Variants in DAB1 observed in about 807,000 individuals in gnomAD.
DAB1 encodes DAB adaptor protein 1, also known as disabled homolog 1.
A neutral mutation model predicts 64.6 loss-of-function variants in DAB1; 15 were observed. That is an observed-to-expected ratio of 0.23 (90% confidence interval 0.16 to 0.36). The LOEUF (loss-of-function observed/expected upper bound fraction) is 0.36, where lower values mean the gene tolerates loss of function less well. DAB1 is among the 10% of genes least tolerant of loss of function. The pLI, the probability that DAB1 is intolerant of heterozygous loss-of-function variation, is 1.00. For missense variants in DAB1, 596 were observed against 706.7 expected, an observed-to-expected ratio of 0.84 and a Z score of 1.78; for synonymous variants, 235 against 251.9, an observed-to-expected ratio of 0.93 and a Z score of 0.64.
chr1:58,106,805 C>T (rs985533439), intron 5 of DAB1, among the ~76,000 whole-genome samples: 2 of 151,772 alleles, frequency 1.3e-5, no homozygotes, highest in African/African-American at 4.8e-5. Context: ...TGTTTAGGGC[C>T]CAGCTGAAAT....
chr1:57,712,379 G>A (rs1418293995), intron 6 of DAB1, among the ~76,000 whole-genome samples: 2 of 152,276 alleles, frequency 1.3e-5, no homozygotes, highest in South Asian at 2.1e-4. Flanking sequence ...TAGAGATATA[G>A]AATAATATCT....
At chr1:57,509,903 C>T (rs1392940582) in intron 7 of DAB1, among the ~76,000 whole-genome samples, 1 of 152,308 alleles carries the variant, frequency 6.6e-6, no homozygotes, top group African/African-American at 2.4e-5. Context: ...TTAACTCCAC[C>T]TATGCTCCAC....
At chr1:58,155,026 T>C (rs1570425195) in intron 4 of DAB1, among the ~76,000 whole-genome samples, 1 of 152,084 alleles carries the variant, frequency 6.6e-6, no homozygotes, top group African/African-American at 2.4e-5. Flanking sequence ...GGTGTTAAAA[T>C]CAGATCTCCA....
At chr1:57,463,760 CTCAT>C (rs145640736) in intron 7 of DAB1, among the ~76,000 whole-genome samples, 2,194 of 152,234 alleles carry the variant, frequency 0.014, 21 homozygotes, top group Non-Finnish European at 0.021. Flanking sequence ...TGCTCTTCTG[CTCAT>C]TCATTCATTC....
At chr1:57,630,621 T>A (rs1216644995) in intron 7 of DAB1, among the ~76,000 whole-genome samples, 12 of 152,168 alleles carry the variant, frequency 7.9e-5, no homozygotes. Flanking sequence ...CCCAAGCTAA[T>A]TACTTCACTT....
chr1:58,490,444 A>T (rs1332562588), intron 3 of DAB1, among the ~76,000 whole-genome samples: 1 of 152,234 alleles, frequency 6.6e-6, no homozygotes, highest in African/African-American at 2.4e-5. Context: ...GGACTATGTG[A>T]AAAGACCAAA....
intron 1 of DAB1, among the ~76,000 whole-genome samples, chr1:57,381,425 T>C (rs1570412073): frequency 2.6e-5 from 4 of 152,200 alleles, no homozygotes; most frequent in East Asian, 1.9e-4. Flanking sequence ...TATTTTTATA[T>C]AGAAGATGTT....
At chr1:57,849,865 T>C (rs567491023) in intron 1 of DAB1, among the ~76,000 whole-genome samples, 7 of 152,312 alleles carry the variant, frequency 4.6e-5, no homozygotes, top group African/African-American at 1.7e-4. Flanking sequence ...AAAAATAAAA[T>C]GGGAAGCATA....
chr1:57,319,671 GA>G (rs1303967176), intron 1 of DAB1, among the ~76,000 whole-genome samples: 10 of 151,982 alleles, frequency 6.6e-5, no homozygotes, highest in Non-Finnish European at 1.5e-4. Flanking sequence ...CAGAGATTTT[GA>G]AAAAGCCAGA....
chr1:57,549,110 A>G lies in DAB1; in HGVS notation n.625+100482T>C, dbSNP rs573083716. On this transcript the variant is annotated intron_variant and non_coding_transcript_variant, in intron 7 of 20. Transcript: ENST00000485760. Reference sequence around the variant, plus strand: ...ACTGGATCTACGCAATGTAGGTTAAAAGTCTCAATTTTGTGGATATTGTAG... The same window carrying G: ...ACTGGATCTACGCAATGTAGGTTAAGAGTCTCAATTTTGTGGATATTGTAG... Among the ~76,000 whole-genome samples, 124 of 152,248 alleles carry G rather than the reference A, an allele frequency of 8.1e-4. 1 individual carries two copies. The highest frequency in any genetic ancestry group is 1.9e-3 in the South Asian group (9 of 4,826).
chr1:57,919,247 A>G (rs1166324004), intron 5 of DAB1, among the ~76,000 whole-genome samples: 1 of 152,208 alleles, frequency 6.6e-6, no homozygotes, highest in Non-Finnish European at 1.5e-5. Context: ...TAGACACTCA[A>G]AAACTGGCAG....
chr1:58,426,549 C>G (rs61780372), intron 3 of DAB1, among the ~76,000 whole-genome samples: 29,711 of 152,104 alleles, frequency 0.2, 3,412 homozygotes, highest in Middle Eastern at 0.25. Context: ...TGGTTCTAGG[C>G]TGATGGCCAG....
At chr1:57,788,072 A>G (rs1446772046) in intron 6 of DAB1, among the ~76,000 whole-genome samples, 1 of 152,216 alleles carries the variant, frequency 6.6e-6, no homozygotes, top group African/African-American at 2.4e-5. Flanking sequence ...GTGGAAAGTA[A>G]ATGTTACAAT....
intron 2 of DAB1, among the ~76,000 whole-genome samples, chr1:57,250,872 A>G (rs1019269688): frequency 1.1e-4 from 17 of 152,232 alleles, no homozygotes; most frequent in Non-Finnish European, 2.1e-4. Context: ...GAGACCATGG[A>G]GACATGACTA....
chr1:57,353,131 A>ACG (rs1678732667), intron 1 of DAB1, among the ~76,000 whole-genome samples: 1 of 151,688 alleles, frequency 6.6e-6, no homozygotes, highest in Admixed American at 6.6e-5. Flanking sequence ...ACACACACAC[A>ACG]CACACACACA....
intron 5 of DAB1, among the ~76,000 whole-genome samples, chr1:58,096,720 A>G (rs1651006206): frequency 6.6e-6 from 1 of 152,226 alleles, no homozygotes; most frequent in Admixed American, 6.5e-5. Context: ...TCCCCAAGTT[A>G]CCAATGCCTT....
intron 5 of DAB1, among the ~76,000 whole-genome samples, chr1:58,088,965 C>T (rs1231941945): frequency 6.6e-6 from 1 of 152,150 alleles, no homozygotes; most frequent in African/African-American, 2.4e-5. Context: ...GTGGAGAAGA[C>T]GTTTGGACAG....
chr1:58,279,178 A>C (rs2100437137), intron 4 of DAB1, among the ~76,000 whole-genome samples: 2 of 152,364 alleles, frequency 1.3e-5, no homozygotes. Context: ...GATTTGTGAA[A>C]AATTCTCAGA....
chr1:58,286,133 A>C (rs2100444902), intron 4 of DAB1, among the ~76,000 whole-genome samples: 1 of 152,120 alleles, frequency 6.6e-6, no homozygotes, highest in Non-Finnish European at 1.5e-5. Flanking sequence ...TTGAAACTGA[A>C]CTCCTGCCTT....
Sources: allele counts gnomAD v4.1 joint callset (sites outside exome capture counted in the v4.1 genomes callset), GRCh38; gene constraint gnomAD v4.1.1; transcripts MANE v1.5; gene names NCBI Gene and HGNC (gene_info 2026-07-23, HGNC 2026-07-21).